NYAP2: variants seen among roughly 807,000 people sequenced by gnomAD.
NYAP2 encodes the protein neuronal tyrosine-phosphorylated phosphoinositide-3-kinase adaptor 2.
In NYAP2, 23 loss-of-function variants were observed where a neutral mutation model predicts 50.4. The ratio of observed to expected loss-of-function variants is 0.46; its 90% CI spans 0.33 to 0.65. The LOEUF (loss-of-function observed/expected upper bound fraction) is 0.65, where lower values mean the gene tolerates loss of function less well. NYAP2 is among the 30% of genes least tolerant of loss of function. The pLI, the probability that NYAP2 is intolerant of heterozygous loss-of-function variation, is 0.02. For missense variants in NYAP2, 885 were observed against 861.0 expected, an observed-to-expected ratio of 1.03 and a Z score of -0.35; for synonymous variants, 394 against 365.2, an observed-to-expected ratio of 1.08 and a Z score of -0.90.
At chr2:225,570,191 C>T (rs1319189345) in intron 4 of NYAP2, among the ~76,000 whole-genome samples, 1 of 152,134 alleles carries the variant, frequency 6.6e-6, no homozygotes, top group Admixed American at 6.5e-5. Context: ...ATGCTGGCTG[C>T]CTGCCTGGAT....
chr2:225,518,507 A>G (rs1474773971), intron 4 of NYAP2, among the ~76,000 whole-genome samples: 1 of 126,946 alleles, frequency 7.9e-6, no homozygotes, highest in Non-Finnish European at 1.7e-5. Context: ...ACAAAAAAAA[A>G]CAGTATGTGA....
chr2:225,605,831 G>C (rs1692775419), intron 5 of NYAP2, among the ~76,000 whole-genome samples: 1 of 151,694 alleles, frequency 6.6e-6, no homozygotes, highest in African/African-American at 2.4e-5. Context: ...TTCTCTTGGG[G>C]CAAACAGGAC....
chr2:225,563,607 A>G (rs1342863020), intron 4 of NYAP2, among the ~76,000 whole-genome samples: 1 of 152,114 alleles, frequency 6.6e-6, no homozygotes, highest in African/African-American at 2.4e-5. Flanking sequence ...AGTATTTACA[A>G]TTTTATATAT....
chr2:225,611,608 T>A (rs1366605675), intron 5 of NYAP2, among the ~76,000 whole-genome samples: 1 of 151,920 alleles, frequency 6.6e-6, no homozygotes, highest in African/African-American at 2.4e-5. Flanking sequence ...TTAAAAAAAA[T>A]CATCTATTAT....
intron 3 of NYAP2, among the ~76,000 whole-genome samples, chr2:225,419,621 GAA>G (rs1224202022): frequency 6.6e-6 from 1 of 152,126 alleles, no homozygotes; most frequent in Non-Finnish European, 1.5e-5. Flanking sequence ...GCTGTTAAAA[GAA>G]AGAAAAGATA....
At chr2:225,650,066 A>C (rs1045656751) in intron 6 of NYAP2, among the ~76,000 whole-genome samples, 6 of 152,192 alleles carry the variant, frequency 3.9e-5, no homozygotes, top group African/African-American at 1.4e-4. Flanking sequence ...TGGAAACAGG[A>C]CTGAGAGAGG....
At chr2:225,553,875 A>G (rs1691725427) in intron 4 of NYAP2, among the ~76,000 whole-genome samples, 1 of 152,078 alleles carries the variant, frequency 6.6e-6, no homozygotes, top group Non-Finnish European at 1.5e-5. Flanking sequence ...TGTCTCTACT[A>G]AAAATACAAA....
intron 5 of NYAP2, among the ~76,000 whole-genome samples, chr2:225,600,143 GGC>G (rs1323454098): frequency 6.6e-6 from 1 of 152,096 alleles, no homozygotes; most frequent in Non-Finnish European, 1.5e-5. Context: ...GTGGGTGGTG[GGC>G]AGCCAGTAAG....
chr2:225,515,974 C>T (rs1452792317), intron 4 of NYAP2, among the ~76,000 whole-genome samples: 2 of 152,130 alleles, frequency 1.3e-5, no homozygotes, highest in Non-Finnish European at 2.9e-5. Context: ...TTATCAATGC[C>T]TTGTTGGCAG....
At chr2:225,434,156 A>G (rs1689329916) in intron 3 of NYAP2, among the ~76,000 whole-genome samples, 1 of 152,160 alleles carries the variant, frequency 6.6e-6, no homozygotes, top group South Asian at 2.1e-4. Flanking sequence ...TGTAAATGAC[A>G]CAGCGTAAAG....
intron 6 of NYAP2, among the ~76,000 whole-genome samples, chr2:225,649,268 T>C (rs1009556087): frequency 6.6e-6 from 1 of 152,236 alleles, no homozygotes; most frequent in African/African-American, 2.4e-5. Context: ...TCACTATTAC[T>C]ATTTCCTTAT....
At chr2:225,546,973 G>A (rs1333619549) in intron 4 of NYAP2, among the ~76,000 whole-genome samples, 1 of 152,112 alleles carries the variant, frequency 6.6e-6, no homozygotes, top group Non-Finnish European at 1.5e-5. Context: ...AGTGTGTCTA[G>A]AAAGGTCATA....
intron 5 of NYAP2, among the ~76,000 whole-genome samples, chr2:225,620,833 G>C (rs1693086744): frequency 6.6e-6 from 1 of 152,122 alleles, no homozygotes; most frequent in Admixed American, 6.5e-5. Context: ...ATCTGGAAGA[G>C]GGCCAGGCGC....
In NYAP2 at chr2:225,483,005, G is replaced by A. The variant is rs73089782; in HGVS notation, c.222-30366G>A. On this transcript the variant is annotated intron_variant, in intron 3 of 6. Transcript: ENST00000636099. ...CAAGAAGAGACTGGTTTGTGTTTTC[G>A]TAAGAAATATGTTGCTATAGTGCAC... Among the ~76,000 whole-genome samples the A allele has an allele frequency of 4.6e-3, 707 of 152,228 alleles. 4 individuals carry two copies. The highest frequency in any genetic ancestry group is 0.016 in the African/African-American group (656 of 41,544).
intron 3 of NYAP2, among the ~76,000 whole-genome samples, chr2:225,479,800 C>T (rs908942991): frequency 8.5e-5 from 13 of 152,114 alleles, no homozygotes; most frequent in African/African-American, 2.7e-4. Context: ...GGAAAAACAT[C>T]TAAATTTTTT....
chr2:225,517,552 A>C (rs888909285), intron 4 of NYAP2, among the ~76,000 whole-genome samples: 1 of 152,190 alleles, frequency 6.6e-6, no homozygotes, highest in African/African-American at 2.4e-5. Flanking sequence ...TTACCTTTAA[A>C]GTGATTGTGA....
chr2:225,415,751 T>C (rs972041580), intron 3 of NYAP2, among the ~76,000 whole-genome samples: 1 of 152,152 alleles, frequency 6.6e-6, no homozygotes, highest in African/African-American at 2.4e-5. Context: ...GAAGTGAACA[T>C]GGTTAAACAA....
At chr2:225,442,413 A>C (rs1307861248) in intron 3 of NYAP2, among the ~76,000 whole-genome samples, 2 of 152,096 alleles carry the variant, frequency 1.3e-5, no homozygotes, top group Non-Finnish European at 2.9e-5. Context: ...TGCTACTTTG[A>C]CTTTTTTTGA....
At chr2:225,528,503 A>G (rs1443526029) in intron 4 of NYAP2, among the ~76,000 whole-genome samples, 1 of 152,184 alleles carries the variant, frequency 6.6e-6, no homozygotes, top group East Asian at 1.9e-4. Flanking sequence ...AGCAGTCCTC[A>G]GGCCAAAGAA....
Sources: allele counts gnomAD v4.1 joint callset (sites outside exome capture counted in the v4.1 genomes callset), GRCh38; gene constraint gnomAD v4.1.1; transcripts MANE v1.5; gene names NCBI Gene and HGNC (gene_info 2026-07-23, HGNC 2026-07-21).